Variants in RLN2 observed in about 807,000 individuals in gnomAD.
RLN2 encodes prorelaxin H2.
Under a neutral mutation model 7.3 loss-of-function variants are expected in RLN2, and 10 were observed. The observed-to-expected ratio is 1.36, with a 90% CI of 0.84 to 2.31. RLN2 has a LOEUF of 2.31. Ranked by LOEUF, RLN2 falls within the 30% of genes most tolerant of loss-of-function variation. The pLI is 0.00. For synonymous variants in RLN2, 103 were observed against 82.3 expected (o/e 1.25, Z -1.36); for missense variants, 298 against 217.6 (o/e 1.37, Z -2.32).
At chr9:5,314,488 A>G in the RLN2 span, among the ~76,000 whole-genome samples, 2 of 152,150 alleles carry the variant, frequency 1.3e-5, no homozygotes, top group South Asian at 4.2e-4. Context: ...CCTTGCCTCC[A>G]GGAAATCAGT....
chr9:5,335,388 C>G, the RLN2 span: 1 of 1,613,562 alleles, frequency 6.2e-7, no homozygotes, highest in Non-Finnish European at 8.5e-7. Context: ...TTGCTGTCTG[C>G]GGCTTCACTT....
the RLN2 span, among the ~76,000 whole-genome samples, chr9:5,317,250 C>T: frequency 7.9e-4 from 120 of 151,924 alleles, no homozygotes; most frequent in Non-Finnish European, 1.5e-3. Context: ...ATTAAATTCT[C>T]CAATCAAAAT....
chr9:5,319,795 G>A, the RLN2 span, among the ~76,000 whole-genome samples: 22 of 152,110 alleles, frequency 1.4e-4, no homozygotes, highest in African/African-American at 5.3e-4. Context: ...TAACTTTGCA[G>A]AATTATGGAG....
the RLN2 span, among the ~76,000 whole-genome samples, chr9:5,329,597 A>G: frequency 6.7e-6 from 1 of 149,054 alleles, no homozygotes; most frequent in Admixed American, 6.7e-5. Flanking sequence ...AAAAAAATGC[A>G]GGAGTTGCAA....
At chr9:5,307,178 A>T (rs1452509498), upstream of RLN2, among the ~76,000 whole-genome samples, 1 of 151,822 alleles carries the variant, frequency 6.6e-6, no homozygotes, top group Non-Finnish European at 1.5e-5. Context: ...AGGCTCTTAT[A>T]AGTAACTTTT....
At chr9:5,304,226 ACCAG>A in intron 1 of RLN2, 140 bp downstream of exon 1, 1 of 579,946 alleles carries the variant, frequency 1.7e-6, no homozygotes, top group Non-Finnish European at 2.9e-6. Context: ...AACTTTAGGG[ACCAG>A]CCACGGCTGA....
chr9:5,307,322 AGT>A (rs1483396839), upstream of RLN2, among the ~76,000 whole-genome samples: 1 of 151,492 alleles, frequency 6.6e-6, no homozygotes, highest in Non-Finnish European at 1.5e-5. Flanking sequence ...ATAGATAGAT[AGT>A]GTGTGTATAT....
the RLN2 span, among the ~76,000 whole-genome samples, chr9:5,312,653 T>C: frequency 5.3e-5 from 8 of 151,926 alleles, no homozygotes; most frequent in East Asian, 3.9e-4. Flanking sequence ...TTTCTGCCCA[T>C]GTCCTGCCTG....
chr9:5,325,933 G>A, the RLN2 span, among the ~76,000 whole-genome samples: 1 of 151,898 alleles, frequency 6.6e-6, no homozygotes, highest in African/African-American at 2.4e-5. Context: ...TAAAATCCAT[G>A]TAACACACTG....
upstream of RLN2, among the ~76,000 whole-genome samples, chr9:5,307,056 G>T (rs1816263903): frequency 6.6e-6 from 1 of 151,972 alleles, no homozygotes; most frequent in South Asian, 2.1e-4. Flanking sequence ...GGACCATGAG[G>T]TGTGGAGCAT....
the RLN2 span, chr9:5,311,727 T>C: frequency 1.7e-6 from 2 of 1,145,220 alleles, no homozygotes; most frequent in Non-Finnish European, 2.6e-6. Context: ...AGTGTGTGCA[T>C]TTTTGATAAC....
At chr9:5,329,185 C>T in the RLN2 span, among the ~76,000 whole-genome samples, 2 of 150,630 alleles carry the variant, frequency 1.3e-5, no homozygotes, top group Non-Finnish European at 3.0e-5. Flanking sequence ...CGCCTGTAGT[C>T]CCAGCTACTC....
upstream of RLN2, among the ~76,000 whole-genome samples, chr9:5,309,335 G>T (rs1264700556): frequency 6.6e-6 from 1 of 151,944 alleles, no homozygotes; most frequent in Non-Finnish European, 1.5e-5. Flanking sequence ...TGATCCTTTT[G>T]TAACCCCTTC....
the RLN2 span, among the ~76,000 whole-genome samples, chr9:5,314,490 G>A: frequency 6.6e-6 from 1 of 151,996 alleles, no homozygotes; most frequent in South Asian, 2.1e-4. Context: ...TTGCCTCCAG[G>A]AAATCAGTGT....
chr9:5,300,696 A>T (rs1816103645), intron 1 of RLN2, among the ~76,000 whole-genome samples: 1 of 152,172 alleles, frequency 6.6e-6, no homozygotes, highest in Admixed American at 6.5e-5. Flanking sequence ...TGATCCCCTC[A>T]GTGCTTTTAT....
chr9:5,327,223 C>G, the RLN2 span, among the ~76,000 whole-genome samples: 93 of 152,234 alleles, frequency 6.1e-4, 1 homozygote, highest in African/African-American at 2.2e-3. Flanking sequence ...GTCTTAGCAA[C>G]CGCAGACCAG....
At chr9:5,335,169 G>C in the RLN2 span, 2 of 736,008 alleles carry the variant, frequency 2.7e-6, no homozygotes, top group East Asian at 2.7e-5. Context: ...CTAATAATTA[G>C]TGGGACCTGA....
intron 1 of RLN2, among the ~76,000 whole-genome samples, chr9:5,302,696 T>C (rs1486233246): frequency 6.6e-6 from 1 of 152,198 alleles, no homozygotes; most frequent in East Asian, 1.9e-4. Flanking sequence ...TGAAGTATTT[T>C]CAGCAACAAT....
upstream of RLN2, among the ~76,000 whole-genome samples, chr9:5,306,510 T>C (rs1208824163): frequency 6.6e-6 from 1 of 152,034 alleles, no homozygotes; most frequent in African/African-American, 2.4e-5. Flanking sequence ...TTCAGGGTAA[T>C]TTTGGCCAGC....
Sources: gnomAD v4.1 joint callset for allele counts (sites outside exome capture counted in the v4.1 genomes callset) on GRCh38, gnomAD v4.1.1 for gene constraint, MANE v1.5 for transcripts, NCBI Gene and HGNC (gene_info 2026-07-23, HGNC 2026-07-21) for gene names.